ZFP2: variants seen among roughly 807,000 people sequenced by gnomAD.
ZFP2 encodes the protein ZFP2 zinc finger protein, also known as zinc finger protein ZFP2.
In ZFP2, 33 loss-of-function variants were observed where a neutral mutation model predicts 36.1. The ratio of observed to expected loss-of-function variants is 0.92; its 90% CI spans 0.69 to 1.22. ZFP2 has a LOEUF of 1.22. ZFP2 is among the 50% of genes most tolerant of loss of function. ZFP2 has a pLI of 0.00. For missense variants in ZFP2, 522 were observed against 551.4 expected, an observed-to-expected ratio of 0.95 and a Z score of 0.53; for synonymous variants, 170 against 178.0, an observed-to-expected ratio of 0.96 and a Z score of 0.36.
intron 4 of ZFP2, among the ~76,000 whole-genome samples, chr5:178,917,876 A>G (rs139676320): frequency 4.3e-4 from 65 of 152,350 alleles, no homozygotes; most frequent in African/African-American, 1.4e-3. Flanking sequence ...TCTTCCTTAA[A>G]TAAGACAGGC....
chr5:178,905,861 C>G (rs1382928869), intron 1 of ZFP2, among the ~76,000 whole-genome samples: 1 of 152,002 alleles, frequency 6.6e-6, no homozygotes, highest in Non-Finnish European at 1.5e-5. Flanking sequence ...AAGCCATGTT[C>G]CCACCTCAGC....
chr5:178,931,869 T>G lies in ZFP2; in HGVS notation c.556T>G (p.Tyr186Asp). ...HQRTHTGEKP[Y>D]QCKECGKAFH... ...ACGAACTCACACCGGAGAGAAACCCTATCAGTGTAAAGAGTGTGGCAAAGC... is the reference window on the plus strand; with the variant it reads ...ACGAACTCACACCGGAGAGAAACCCGATCAGTGTAAAGAGTGTGGCAAAGC... Residue 186 changes from tyrosine to aspartate, a missense_variant, in exon 5 of 5, where the codon TAT (tyrosine) becomes GAT (aspartate). Transcript: ENST00000361362. 1 of 1,612,850 alleles carries G rather than the reference T, an allele frequency of 6.2e-7. No individual in the cohort carries two copies. Among genetic ancestry groups the G allele is most frequent in the African/African-American group, 1.3e-5 (1 of 75,038 alleles).
chr5:178,906,517 A>G (rs374474877), intron 1 of ZFP2, among the ~76,000 whole-genome samples: 2 of 151,924 alleles, frequency 1.3e-5, no homozygotes, highest in Non-Finnish European at 2.9e-5. Flanking sequence ...TAGGTACCAT[A>G]CAGCTGGATT....
chr5:178,922,673 A>G (rs1365740153), intron 4 of ZFP2: 4 of 1,585,908 alleles, frequency 2.5e-6, no homozygotes, highest in Non-Finnish European at 3.5e-6. Flanking sequence ...TTATTTCACC[A>G]CTCTGGATAT....
Position 178,897,099 on chromosome 5 carries a change from A to G in ZFP2, c.-450+1125A>G, listed in dbSNP as rs191608912. ...GCCATCTGGCTACATACATCTTTGCATTTTGTCTTATTCTATAAATCTCTT... is the reference window on the plus strand; with the variant it reads ...GCCATCTGGCTACATACATCTTTGCGTTTTGTCTTATTCTATAAATCTCTT... On this transcript the variant is annotated intron_variant, in intron 1 of 4. Coordinates refer to ENST00000361362, the MANE Select transcript of ZFP2 (RefSeq NM_030613.4). Among the ~76,000 whole-genome samples, 41 of 148,670 alleles carry G rather than the reference A, an allele frequency of 2.8e-4. No homozygotes were observed. In the East Asian group the frequency reaches 7.5e-3, roughly 27 times the overall value.
In ZFP2 at chr5:178,910,391, C is replaced by T; in HGVS notation, c.-449-2193C>T. 3.3e-6 allele frequency: 3 copies of T among 922,184 alleles called. No individual in the cohort carries two copies. In the East Asian group the frequency reaches 7.3e-5, roughly 23 times the overall value. 57.1% of individuals were successfully genotyped at this position (922,184 alleles called of 1,614,324 possible). On this transcript the variant is annotated intron_variant, in intron 1 of 4. Coordinates refer to ENST00000361362, the MANE Select transcript of ZFP2 (RefSeq NM_030613.4). ...CCTCGGCACTGGAGTTGGACTCCCT[C>T]CCACCATCTCCTGAGGATGTTGGCA...
At chr5:178,906,925 A>G (rs1262688612) in intron 1 of ZFP2, among the ~76,000 whole-genome samples, 1 of 151,786 alleles carries the variant, frequency 6.6e-6, no homozygotes, top group Non-Finnish European at 1.5e-5. Context: ...TCTGTTCCAA[A>G]GTGTTGGAAG....
intron 1 of ZFP2, among the ~76,000 whole-genome samples, chr5:178,900,447 G>A (rs1158519743): frequency 3.3e-4 from 21 of 64,276 alleles, no homozygotes; most frequent in Non-Finnish European, 5.9e-4. Context: ...CAGCCAGCCA[G>A]TGTCCTCGTG....
chr5:178,902,982 A>G (rs1758091644), intron 1 of ZFP2, among the ~76,000 whole-genome samples: 1 of 152,192 alleles, frequency 6.6e-6, no homozygotes, highest in South Asian at 2.1e-4. Flanking sequence ...AGTCTGCCTT[A>G]AGGGACATTA....
At chr5:178,897,674 A>G (rs935362815) in intron 1 of ZFP2, among the ~76,000 whole-genome samples, 1 of 152,198 alleles carries the variant, frequency 6.6e-6, no homozygotes, top group Non-Finnish European at 1.5e-5. Context: ...ACATAAATAC[A>G]TGTGTATTTG....
In ZFP2 at chr5:178,913,025, A is replaced by G. The variant is rs569963909; in HGVS notation, c.-270A>G. ...CCAATGGGACTTCCCAGCTGGAACG[A>G]GAACTGAGTCTGATGCAAAAAGAAC... On this transcript the variant is annotated 5_prime_UTR_variant, in exon 3 of 5. Transcript: ENST00000361362. 1.0e-5 allele frequency: 10 copies of G among 985,928 alleles called. No individual in the cohort carries two copies. In the South Asian group the frequency reaches 4.2e-4, roughly 42 times the overall value. 61.1% of individuals were successfully genotyped at this position (985,928 alleles called of 1,614,324 possible).
At chr5:178,912,917 C>T (rs1326440380) in intron 2 of ZFP2, 65 bp from the exon 3 acceptor site, 2 of 940,834 alleles carry the variant, frequency 2.1e-6, no homozygotes, top group Non-Finnish European at 2.5e-6. Context: ...ATGATCAGAA[C>T]TCTGCTAGGA....
At chr5:178,898,032 C>G (rs550996034) in intron 1 of ZFP2, among the ~76,000 whole-genome samples, 1 of 152,204 alleles carries the variant, frequency 6.6e-6, no homozygotes, top group South Asian at 2.1e-4. Context: ...GCTCTGTCAC[C>G]GAGGCTAGAG....
At chr5:178,924,265 C>T (rs948389596) in intron 4 of ZFP2, among the ~76,000 whole-genome samples, 5 of 146,676 alleles carry the variant, frequency 3.4e-5, no homozygotes, top group South Asian at 4.3e-4. Context: ...CCCAGCTACT[C>T]GGGAGGCTGA....
intron 4 of ZFP2, among the ~76,000 whole-genome samples, chr5:178,926,320 T>G (rs11750407): frequency 0.26 from 39,044 of 152,084 alleles, 5,488 homozygotes; most frequent in East Asian, 0.36. Flanking sequence ...ATATTTTCTG[T>G]GTATAATTTA....
intron 4 of ZFP2, among the ~76,000 whole-genome samples, chr5:178,927,050 G>A (rs983423295): frequency 5.3e-5 from 8 of 151,718 alleles, no homozygotes; most frequent in South Asian, 4.2e-4. Flanking sequence ...TGTTGACTTC[G>A]ATCAGCAATC....
rs527469154 is a variant in ZFP2 at position 178,917,521 on chromosome 5, G to A, written c.-78+811G>A. On this transcript the variant is annotated intron_variant, in intron 4 of 4. Transcript: ENST00000361362. ...TTCCAGCTACTCAGGAGGCTGAAGCGTGAGAATCACTTGAACCCGGGAGGT... is the reference window on the plus strand; with the variant it reads ...TTCCAGCTACTCAGGAGGCTGAAGCATGAGAATCACTTGAACCCGGGAGGT... Among the ~76,000 whole-genome samples the A allele has an allele frequency of 4.6e-5, 7 of 152,100 alleles. No individual in the cohort carries two copies. The East Asian group carries it at 9.7e-4, about 21-fold the overall frequency.
Position 178,909,964 on chromosome 5 carries a change from C to A in ZFP2, c.-449-2620C>A, listed in dbSNP as rs528739342. The A allele has an allele frequency of 1.1e-5, 16 of 1,406,362 alleles. No homozygotes were observed. In the African/African-American group the frequency reaches 2.3e-4, roughly 20 times the overall value. 87.1% of individuals were successfully genotyped at this position (1,406,362 alleles called of 1,614,324 possible). ...AGGAAGTTCAGCCATTGGTCCAATA[C>A]TGGAGAATTGTTCTGGGTAGAGACT... On this transcript the variant is annotated intron_variant, in intron 1 of 4. Coordinates refer to ENST00000361362, the MANE Select transcript of ZFP2 (RefSeq NM_030613.4).
intron 3 of ZFP2, among the ~76,000 whole-genome samples, chr5:178,914,218 T>C (rs1454353482): frequency 6.6e-6 from 1 of 152,162 alleles, no homozygotes; most frequent in African/African-American, 2.4e-5. Flanking sequence ...AATCTCTAGA[T>C]AATATAAAGC....
Sources: allele counts gnomAD v4.1 joint callset (sites outside exome capture counted in the v4.1 genomes callset), GRCh38; gene constraint gnomAD v4.1.1; transcripts MANE v1.5; gene names NCBI Gene and HGNC (gene_info 2026-07-23, HGNC 2026-07-21).